EMID1: variants seen among roughly 807,000 people sequenced by gnomAD.
EMID1 encodes EMI domain containing 1.
In EMID1, 40 loss-of-function variants were observed where a neutral mutation model predicts 60.6. That is an observed-to-expected ratio of 0.66 (90% confidence interval 0.51 to 0.86). The LOEUF is 0.86. EMID1 is among the 40% of genes least tolerant of loss of function. The pLI, the probability that EMID1 is intolerant of heterozygous loss-of-function variation, is 0.00. For synonymous variants in EMID1, 242 were observed against 231.0 expected, an observed-to-expected ratio of 1.05 and a Z score of -0.43; for missense variants, 585 against 597.1, an observed-to-expected ratio of 0.98 and a Z score of 0.21.
chr22:29,231,543 G>T lies in EMID1; in HGVS notation c.587-50G>T, dbSNP rs145399834. 1,547 of 1,537,206 alleles carry T rather than the reference G, an allele frequency of 1.0e-3. 10 individuals carry two copies. The African/African-American group carries it at 0.018, about 18-fold the overall frequency. The stretch of plus-strand genomic sequence containing the variant: ...GGTTGGGGGGCTGGGGCCAGGGTGG[G>T]GGTCAAGAGCAGATGTGGAGCTGCC... On this transcript the variant is annotated intron_variant, in intron 6 of 14. Coordinates refer to ENST00000334018, the MANE Select transcript of EMID1 (RefSeq NM_133455.4).
chr22:29,215,715 G>A (rs1489511301), intron 3 of EMID1, 85 bp downstream of exon 3: 7 of 1,079,876 alleles, frequency 6.5e-6, no homozygotes, highest in South Asian at 1.3e-5. Flanking sequence ...GAACTATTAA[G>A]AGAGTCATGC....
intron 1 of EMID1, 94 bp downstream of exon 1, chr22:29,206,233 C>T: frequency 1.0e-6 from 1 of 987,204 alleles, no homozygotes; most frequent in Non-Finnish European, 1.3e-6. Context: ...GGAGGGCGAT[C>T]CAGTCCCCAG....
At chr22:29,214,263 A>T (rs2039998595) in intron 1 of EMID1, among the ~76,000 whole-genome samples, 1 of 152,108 alleles carries the variant, frequency 6.6e-6, no homozygotes, top group Non-Finnish European at 1.5e-5. Flanking sequence ...ATGCTGCGGG[A>T]GCCAGGGCAG....
intron 4 of EMID1, among the ~76,000 whole-genome samples, 193 bp downstream of exon 4, chr22:29,225,409 G>T (rs903600568): frequency 3.3e-5 from 5 of 152,224 alleles, no homozygotes; most frequent in African/African-American, 1.2e-4. Context: ...ACCCTAGAGG[G>T]TCATCTGACC....
intron 12 of EMID1, among the ~76,000 whole-genome samples, chr22:29,242,154 AAGCTATCCTCCCACCTTGGCTAGGG>A (rs1431762065): frequency 1.3e-5 from 2 of 152,056 alleles, no homozygotes; most frequent in African/African-American, 4.8e-5. Flanking sequence ...TCCTGGCCTC[AAGCTATCCTCCCACCTTGGCTAGGG>A]AGCTATCCTC....
At chr22:29,234,051 G>A in intron 10 of EMID1, 86 bp from the exon 11 acceptor site, 1 of 1,485,348 alleles carries the variant, frequency 6.7e-7, no homozygotes, top group Non-Finnish European at 9.1e-7. Context: ...CCAAGCTTGA[G>A]CGCCCTCCCC....
rs559953544 is a variant in EMID1, at chr22:29,226,486, G to A, written c.404-4G>A. On this transcript the variant is annotated splice_region_variant and splice_polypyrimidine_tract_variant and intron_variant, in intron 4 of 14. Transcript: ENST00000334018. ...CCTGGCCCCAGCTTCCTCCCTCCCC[G>A]CAGGTTGTCTCAACTGCAGCAAAGT... 2.3e-5 allele frequency: 37 copies of A among 1,610,954 alleles called. No homozygotes were observed. Among genetic ancestry groups the A allele is most frequent in the African/African-American group, 9.3e-5 (7 of 74,958 alleles).
Position 29,206,006 on chromosome 22 carries a change from G to T in EMID1, c.-33G>T. The T allele has an allele frequency of 8.4e-7, 1 of 1,193,870 alleles. No homozygotes were observed. Among genetic ancestry groups the T allele is most frequent in the South Asian group, 4.2e-5 (1 of 23,942 alleles). 74.0% of individuals were successfully genotyped at this position (1,193,870 alleles called of 1,614,324 possible). ...AGGACAGGCTGGGGGCGGCGACCGC[G>T]AGGGGCCGCGCGCGGAGGGCGCCTG... On this transcript the variant is annotated 5_prime_UTR_variant, in exon 1 of 15. Transcript: ENST00000334018.
chr22:29,245,883 G>A (rs1354266329), intron 13 of EMID1, among the ~76,000 whole-genome samples: 3 of 152,226 alleles, frequency 2.0e-5, no homozygotes, highest in East Asian at 3.9e-4. Context: ...AAGTTCCTAG[G>A]GCCAGAGAAC....
At chr22:29,234,575 C>T (rs713886) in intron 12 of EMID1, among the ~76,000 whole-genome samples, 131,196 of 152,176 alleles carry the variant, frequency 0.86, 56,946 homozygotes, top group East Asian at 0.98. Flanking sequence ...TCCCTCTGTA[C>T]GTCTGTCTCT....
At chr22:29,217,606 G>A (rs563544484) in intron 3 of EMID1, among the ~76,000 whole-genome samples, 3 of 152,312 alleles carry the variant, frequency 2.0e-5, no homozygotes, top group East Asian at 1.9e-4. Flanking sequence ...GCCCCGGCTC[G>A]TCCACATTCA....
At chr22:29,242,499 G>A (rs562448378) in intron 12 of EMID1, among the ~76,000 whole-genome samples, 4 of 151,918 alleles carry the variant, frequency 2.6e-5, no homozygotes, top group Admixed American at 6.6e-5. Flanking sequence ...CATATAGGTC[G>A]GCTGTGGATC....
intron 2 of EMID1, 128 bp from the exon 3 acceptor site, chr22:29,215,399 G>A: frequency 1.6e-6 from 2 of 1,261,392 alleles, no homozygotes; most frequent in Non-Finnish European, 2.2e-6. Context: ...GCAGGAGAGA[G>A]CCTCCAAAGG....
At chr22:29,226,119 CTT>C (rs1324535778) in intron 4 of EMID1, among the ~76,000 whole-genome samples, 2 of 152,184 alleles carry the variant, frequency 1.3e-5, no homozygotes, top group African/African-American at 4.8e-5. Flanking sequence ...GCTCTAAACT[CTT>C]AGCCCATGAG....
At chr22:29,232,433 G>A in intron 8 of EMID1, 31 bp downstream of exon 8, 1 of 1,523,770 alleles carries the variant, frequency 6.6e-7, no homozygotes, top group Non-Finnish European at 8.8e-7. Flanking sequence ...AGCAGGTGGA[G>A]GTGGGGGTGG....
At position 29,215,600 on chromosome 22, in the gene EMID1, C is replaced by T; in HGVS notation, c.289C>T (p.Pro97Ser). 1 of 1,614,106 alleles carries T rather than the reference C, an allele frequency of 6.2e-7. No individual in the cohort carries two copies. The highest frequency in any genetic ancestry group is 8.5e-7 in the Non-Finnish European group (1 of 1,179,980). The change falls in exon 3 of 15, where the codon CCT becomes TCT. Residue 97 changes from proline (P) to serine (S), a missense_variant. Coordinates refer to ENST00000334018, the MANE Select transcript of EMID1 (RefSeq NM_133455.4). ...IVTAREWRCCPGHSGVSCEEV... is the reference protein window; with the variant it reads ...IVTAREWRCCSGHSGVSCEEV... ...GACCGCCCGTGAGTGGAGGTGCTGC[C>T]CTGGGCACTCAGGAGTGAGCTGCGA...
At chr22:29,239,045 C>T (rs1389568321) in intron 12 of EMID1, among the ~76,000 whole-genome samples, 4 of 143,864 alleles carry the variant, frequency 2.8e-5, no homozygotes, top group Non-Finnish European at 4.5e-5. Flanking sequence ...TTCTATTATG[C>T]ATATTTACAT....
intron 1 of EMID1, among the ~76,000 whole-genome samples, chr22:29,214,363 C>T (rs1265631698): frequency 5.3e-5 from 8 of 152,158 alleles, no homozygotes; most frequent in East Asian, 1.9e-4. Context: ...AGGTAGGAGG[C>T]GCCATGGGGA....
intron 6 of EMID1, 162 bp from the exon 7 acceptor site, chr22:29,231,431 G>T (rs1376865508): frequency 2.4e-6 from 2 of 848,844 alleles, no homozygotes; most frequent in Non-Finnish European, 2.0e-6. Flanking sequence ...CAGGGACACT[G>T]ACCTCTGCCT....
Sources: allele counts gnomAD v4.1 joint callset (sites outside exome capture counted in the v4.1 genomes callset), GRCh38; gene constraint gnomAD v4.1.1; transcripts MANE v1.5; gene names NCBI Gene and HGNC (gene_info 2026-07-23, HGNC 2026-07-21).